FGF14: variants seen among roughly 807,000 people sequenced by gnomAD.
FGF14 encodes fibroblast growth factor 14.
In FGF14, 5 loss-of-function variants were observed where a neutral mutation model predicts 25.5. The observed-to-expected ratio is 0.20, with a 90% CI of 0.10 to 0.41. The LOEUF is 0.41. FGF14 is among the 10% of genes least tolerant of loss of function. FGF14 has a pLI of 1.00. For missense variants in FGF14, 222 were observed against 320.1 expected, an observed-to-expected ratio of 0.69 and a Z score of 2.34; for synonymous variants, 138 against 118.3, an observed-to-expected ratio of 1.17 and a Z score of -1.08.
chr13:101,826,154 T>C (rs915804334), intron 3 of FGF14, among the ~76,000 whole-genome samples: 2 of 152,134 alleles, frequency 1.3e-5, no homozygotes, highest in African/African-American at 4.8e-5. Flanking sequence ...GAGAATTTTC[T>C]TTCTCACCGT....
intron 1 of FGF14, among the ~76,000 whole-genome samples, chr13:102,307,955 T>C (rs2055491061): frequency 6.6e-6 from 1 of 152,080 alleles, no homozygotes; most frequent in African/African-American, 2.4e-5. Context: ...ACCTGGGGCC[T>C]AGAAAATTTT....
rs1424589941 is a variant in FGF14, at chr13:101,716,417, TTAAA to T, written c.*6410_*6413del. On this transcript the variant is annotated 3_prime_UTR_variant, in exon 5 of 5. Transcript: ENST00000376143. Reference sequence around the variant, plus strand: ...TATGAAAAATGTACAATTTAACATTTTAAATAAATAGTGACAGAAGTTGTTTATA... The same window carrying T: ...TATGAAAAATGTACAATTTAACATTTTAAATAGTGACAGAAGTTGTTTATA... The T allele has an allele frequency of 2.0e-5, 3 of 152,190 alleles. No individual in the cohort carries two copies. Among genetic ancestry groups the T allele is most frequent in the African/African-American group, 4.8e-5 (2 of 41,458 alleles). 9.4% of individuals were successfully genotyped at this position (152,190 alleles called of 1,614,324 possible).
chr13:101,763,269 G>A (rs955529521), intron 3 of FGF14, among the ~76,000 whole-genome samples: 1 of 152,286 alleles, frequency 6.6e-6, no homozygotes, highest in East Asian at 1.9e-4. Context: ...CCCCAGCTGT[G>A]GTTAGGCCAG....
intron 1 of FGF14, among the ~76,000 whole-genome samples, chr13:101,925,299 T>C (rs998559006): frequency 4.6e-5 from 7 of 152,190 alleles, no homozygotes; most frequent in Non-Finnish European, 7.3e-5. Context: ...AAGACACAAA[T>C]GCAGTAAAAG....
chr13:102,094,796 T>A (rs1467815299), intron 1 of FGF14, among the ~76,000 whole-genome samples: 1 of 152,144 alleles, frequency 6.6e-6, no homozygotes, highest in Non-Finnish European at 1.5e-5. Context: ...ACCTCATCAA[T>A]AAGGGACTGC....
chr13:102,160,810 T>C (rs1019151155), intron 1 of FGF14, among the ~76,000 whole-genome samples: 12 of 151,076 alleles, frequency 7.9e-5, no homozygotes, highest in African/African-American at 2.9e-4. Context: ...CTATTTTTGG[T>C]GGCAAAAAAA....
chr13:101,751,899 T>A (rs147299455), intron 3 of FGF14, among the ~76,000 whole-genome samples: 4 of 152,032 alleles, frequency 2.6e-5, no homozygotes, highest in Admixed American at 2.6e-4. Flanking sequence ...GTGGAAACCT[T>A]CTCTGGGGGA....
At chr13:102,063,720 C>A (rs796681887) in intron 1 of FGF14, among the ~76,000 whole-genome samples, 2 of 151,856 alleles carry the variant, frequency 1.3e-5, no homozygotes, top group African/African-American at 4.8e-5. Context: ...TCTGAAGATA[C>A]AGGTAATGCA....
At chr13:101,897,826 A>G (rs185235871) in intron 1 of FGF14, among the ~76,000 whole-genome samples, 1 of 152,332 alleles carries the variant, frequency 6.6e-6, no homozygotes, top group Non-Finnish European at 1.5e-5. Flanking sequence ...CTTCTTGAAC[A>G]CTGACATGAT....
At chr13:102,184,199 C>A (rs568218901) in intron 1 of FGF14, among the ~76,000 whole-genome samples, 1 of 152,242 alleles carries the variant, frequency 6.6e-6, no homozygotes, top group South Asian at 2.1e-4. Flanking sequence ...GTACTGACTT[C>A]CGTTTCTAGA....
intron 1 of FGF14, among the ~76,000 whole-genome samples, chr13:102,317,573 T>G (rs1370924224): frequency 2.0e-5 from 3 of 152,196 alleles, no homozygotes; most frequent in African/African-American, 7.2e-5. Flanking sequence ...GACATTCTGG[T>G]TTTTAAACCT....
intron 3 of FGF14, among the ~76,000 whole-genome samples, chr13:101,862,356 T>TC (rs982493137): frequency 6.6e-6 from 1 of 152,042 alleles, no homozygotes; most frequent in Non-Finnish European, 1.5e-5. Context: ...TTATTTTTTT[T>TC]CCTCTTCTTT....
chr13:101,748,691 T>C (rs1258151119), intron 3 of FGF14, among the ~76,000 whole-genome samples: 1 of 146,330 alleles, frequency 6.8e-6, no homozygotes, highest in Non-Finnish European at 1.5e-5. Context: ...TCTGTGTGCA[T>C]TGTTTGTGGA....
At chr13:102,162,388 T>C (rs977730333) in intron 1 of FGF14, among the ~76,000 whole-genome samples, 1 of 152,210 alleles carries the variant, frequency 6.6e-6, no homozygotes, top group Non-Finnish European at 1.5e-5. Flanking sequence ...TTTGGTATTA[T>C]GAAGCCCACA....
intron 3 of FGF14, among the ~76,000 whole-genome samples, chr13:101,785,060 A>G (rs967119432): frequency 1.3e-5 from 2 of 152,166 alleles, no homozygotes; most frequent in African/African-American, 4.8e-5. Context: ...AGGGTCTCAC[A>G]TTGTCTCCTA....
At chr13:101,944,138 A>G (rs1292451017) in intron 1 of FGF14, among the ~76,000 whole-genome samples, 1 of 152,186 alleles carries the variant, frequency 6.6e-6, no homozygotes, top group Non-Finnish European at 1.5e-5. Flanking sequence ...CATACTGCAG[A>G]AAGAGCAGAA....
At chr13:102,048,605 T>C (rs1300913163) in intron 1 of FGF14, among the ~76,000 whole-genome samples, 1 of 152,176 alleles carries the variant, frequency 6.6e-6, no homozygotes, top group Non-Finnish European at 1.5e-5. Flanking sequence ...TCATCCTATC[T>C]GGGCAATACT....
chr13:101,920,272 G>A (rs899325012), upstream of FGF14, among the ~76,000 whole-genome samples: 3 of 152,132 alleles, frequency 2.0e-5, no homozygotes, highest in African/African-American at 4.8e-5. Flanking sequence ...TACCTTTGAC[G>A]TTATAAAGAG....
chr13:101,774,340 ATT>A (rs1194788208), intron 3 of FGF14, among the ~76,000 whole-genome samples: 1 of 152,078 alleles, frequency 6.6e-6, no homozygotes, highest in Non-Finnish European at 1.5e-5. Context: ...GTATCCTGTA[ATT>A]TTCTCTCTAC....
Sources: allele counts gnomAD v4.1 joint callset (sites outside exome capture counted in the v4.1 genomes callset), GRCh38; gene constraint gnomAD v4.1.1; transcripts MANE v1.5; gene names NCBI Gene and HGNC (gene_info 2026-07-23, HGNC 2026-07-21).